The following AIM2 variants were observed in gnomAD, a reference collection of about 807,000 sequenced individuals.
The protein encoded by AIM2 is absent in melanoma 2, also known as interferon-inducible protein AIM2.
A neutral mutation model predicts 27.7 loss-of-function variants in AIM2; 30 were observed. The observed-to-expected ratio is 1.08, with a 90% confidence interval of 0.81 to 1.47. The LOEUF (loss-of-function observed/expected upper bound fraction) is 1.47, where lower values mean the gene tolerates loss of function less well. Among genes scored for constraint, AIM2 ranks in the 40% most tolerant of loss-of-function variants. The pLI, the probability that AIM2 is intolerant of heterozygous loss-of-function variation, is 0.00. For missense variants in AIM2, 358 were observed against 411.3 expected (o/e 0.87, Z 1.12); for synonymous variants, 141 against 145.3 (o/e 0.97, Z 0.21).
downstream of AIM2, among the ~76,000 whole-genome samples, chr1:159,058,348 C>A (rs1234270502): frequency 3.4e-5 from 4 of 117,816 alleles, no homozygotes; most frequent in African/African-American, 9.5e-5. Flanking sequence ...GATTCTGTCT[C>A]AAAAAAAAAA....
At chr1:159,070,440 G>A (rs1656304738) in intron 2 of AIM2, among the ~76,000 whole-genome samples, 1 of 152,136 alleles carries the variant, frequency 6.6e-6, no homozygotes, top group Non-Finnish European at 1.5e-5. Flanking sequence ...CTATGGTCAG[G>A]TTATATGTTA....
chr1:159,056,490 A>C, the AIM2 span, among the ~76,000 whole-genome samples: 1 of 151,902 alleles, frequency 6.6e-6, no homozygotes, highest in South Asian at 2.1e-4. Flanking sequence ...TTTCGGCAAA[A>C]CAGCAGTCAA....
chr1:159,119,811 T>G (rs1038939311), intron 1 of AIM2, among the ~76,000 whole-genome samples: 9 of 152,042 alleles, frequency 5.9e-5, no homozygotes, highest in Non-Finnish European at 1.2e-4. Context: ...TGTGTGTGTG[T>G]GGGTGTGTGT....
At chr1:159,144,739 C>T (rs1232753945), upstream of AIM2, among the ~76,000 whole-genome samples, 1 of 152,156 alleles carries the variant, frequency 6.6e-6, no homozygotes, top group Non-Finnish European at 1.5e-5. Context: ...TAGTGATGCT[C>T]ATACACTATT....
intron 1 of AIM2, among the ~76,000 whole-genome samples, chr1:159,098,987 C>A (rs998205617): frequency 8.7e-5 from 12 of 137,768 alleles, no homozygotes; most frequent in Admixed American, 3.2e-4. Flanking sequence ...CATAGTGGCA[C>A]AAGCTTCATG....
downstream of AIM2, among the ~76,000 whole-genome samples, chr1:159,059,243 A>G (rs751890837): frequency 5.3e-5 from 8 of 152,092 alleles, no homozygotes; most frequent in Non-Finnish European, 1.2e-4. Flanking sequence ...GCCCAATGCT[A>G]TTCTTATACA....
chr1:159,115,483 G>A (rs1334978214), intron 1 of AIM2, among the ~76,000 whole-genome samples: 3 of 152,128 alleles, frequency 2.0e-5, no homozygotes, highest in Non-Finnish European at 4.4e-5. Context: ...TACAAAAACA[G>A]AGATATAGAC....
At chr1:159,127,243 T>C (rs139414298) in intron 1 of AIM2, among the ~76,000 whole-genome samples, 2 of 152,226 alleles carry the variant, frequency 1.3e-5, no homozygotes, top group African/African-American at 4.8e-5. Context: ...ACTTTCTAAA[T>C]GGTTCATATA....
upstream of AIM2, among the ~76,000 whole-genome samples, chr1:159,144,741 T>C (rs568719657): frequency 3.9e-5 from 6 of 152,312 alleles, no homozygotes; most frequent in South Asian, 1.0e-3. Context: ...GTGATGCTCA[T>C]ACACTATTTC....
chr1:159,072,736 AAAG>A (rs1364184332), intron 2 of AIM2, among the ~76,000 whole-genome samples: 3 of 152,206 alleles, frequency 2.0e-5, no homozygotes, highest in African/African-American at 7.2e-5. Flanking sequence ...ATCATCGCCT[AAAG>A]AAGGATAGTC....
In AIM2 at chr1:159,104,706, T is replaced by C. The variant is rs994211008; in HGVS notation, c.-16+35725A>G. ...TTGACTTCGTTCGTCTCTTTTTACT[T>C]TTTTGAGGTAGCTACTGGAAAATTT... is the stretch of plus-strand genomic sequence containing the variant. On this transcript the variant is annotated intron_variant, in intron 1 of 2. Transcript: ENST00000368129. 2.0e-5 allele frequency among the ~76,000 whole-genome samples: 3 copies of C among 152,350 alleles called. No homozygotes were observed. The East Asian group carries it at 5.8e-4, about 29-fold the overall frequency.
At chr1:159,080,925 C>A (rs55791394), upstream of AIM2, among the ~76,000 whole-genome samples, 10,865 of 152,026 alleles carry the variant, frequency 0.071, 696 homozygotes, top group East Asian at 0.31. Context: ...GAGCCACAGG[C>A]CAGTCTAATA....
At chr1:159,136,523 T>C in intron 1 of AIM2, among the ~76,000 whole-genome samples, 1 of 152,230 alleles carries the variant, frequency 6.6e-6, no homozygotes. Context: ...GCTTCTACTA[T>C]GCTCATGGTT....
At chr1:159,060,770 A>G (rs1655807639), downstream of AIM2, among the ~76,000 whole-genome samples, 1 of 152,150 alleles carries the variant, frequency 6.6e-6, no homozygotes. Flanking sequence ...GGATCTACCA[A>G]AGTTTGTTTA....
intron 1 of AIM2, among the ~76,000 whole-genome samples, chr1:159,103,131 T>C (rs1015517168): frequency 6.6e-6 from 1 of 152,208 alleles, no homozygotes; most frequent in Non-Finnish European, 1.5e-5. Flanking sequence ...GTTGTCATGA[T>C]AGTGAGTGAG....
At chr1:159,129,142 T>C (rs938370638) in intron 1 of AIM2, among the ~76,000 whole-genome samples, 1 of 152,068 alleles carries the variant, frequency 6.6e-6, no homozygotes, top group African/African-American at 2.4e-5. Context: ...TACAGAGAAA[T>C]GCAGAGAGAG....
intron 1 of AIM2, among the ~76,000 whole-genome samples, chr1:159,131,353 A>G (rs1386591533): frequency 1.3e-5 from 2 of 152,152 alleles, no homozygotes; most frequent in Admixed American, 6.5e-5. Flanking sequence ...GCATATATAT[A>G]TGTATATGTA....
rs777523605 is a variant in AIM2 at position 159,063,663 on chromosome 1, C to G, written c.828G>C (p.Lys276Asn). The G allele has an allele frequency of 3.7e-6, 6 of 1,611,878 alleles. No homozygotes were observed. Among genetic ancestry groups the G allele is most frequent in the Non-Finnish European group, 5.1e-6 (6 of 1,179,384 alleles). ...TTAGGTCAAATAATATGTTTTTCTT[C>G]TTTTCTGTTACCTATAAAAGAAAAT... ...GLFVVQKVTE[K>N]KKNILFDLSD... Residue 276 changes from lysine to asparagine, a missense_variant, in exon 5 of 6, where the codon AAG becomes AAC. Lys to Asn is a moderately conservative substitution (Grantham distance 94). Transcript: ENST00000368130.
intron 1 of AIM2, among the ~76,000 whole-genome samples, chr1:159,124,196 T>G (rs1647620543): frequency 6.6e-6 from 1 of 151,272 alleles, no homozygotes; most frequent in Non-Finnish European, 1.5e-5. Context: ...TTACATCTCT[T>G]TTTTTAAAAA....
Sources: gnomAD v4.1 joint callset for allele counts (sites outside exome capture counted in the v4.1 genomes callset) on GRCh38, gnomAD v4.1.1 for gene constraint, MANE v1.5 for transcripts, NCBI Gene and HGNC (gene_info 2026-07-23, HGNC 2026-07-21) for gene names.